CFHR5: variants seen among roughly 807,000 people sequenced by gnomAD.
CFHR5 encodes complement factor H related 5.
CFHR5 carries 73 observed loss-of-function variants against 62.9 expected under a neutral mutation model. That is an observed-to-expected ratio of 1.16 (90% CI 0.96 to 1.41). The LOEUF is 1.41. Ranked by LOEUF, CFHR5 falls within the 40% of genes most tolerant of loss-of-function variation. The probability of loss-of-function intolerance (pLI) is 0.00; values close to 1 mark genes in which losing one functional copy is unlikely to be tolerated. For missense variants in CFHR5, 779 were observed against 679.9 expected, an observed-to-expected ratio of 1.15 and a Z score of -1.62; for synonymous variants, 249 against 227.2, an observed-to-expected ratio of 1.10 and a Z score of -0.86.
Position 197,004,839 on chromosome 1 carries a change from C to G in CFHR5, c.1509C>G (p.Cys503Trp). 2 of 1,606,452 alleles carry G rather than the reference C, an allele frequency of 1.2e-6. No homozygotes were observed. Among genetic ancestry groups the G allele is most frequent in the Non-Finnish European group, 1.7e-6 (2 of 1,173,252 alleles). ...AACAGTGGTCAGAACCACCAAGATGCCTAGGTGAGTTCTTAATATTCTCTT... is the reference window on the plus strand; with the variant it reads ...AACAGTGGTCAGAACCACCAAGATGGCTAGGTGAGTTCTTAATATTCTCTT... ...RNKQWSEPPR[C>W]LDPCVVSEEN... The change falls in exon 9 of 10, where the codon TGC (cysteine) becomes TGG (tryptophan). Residue 503 changes from cysteine (C) to tryptophan (W), a missense_variant. By Grantham distance (215) the Cys-to-Trp change is radical (BLOSUM62 -2). Transcript: ENST00000256785.
In CFHR5 at chr1:196,995,829, T is replaced by C; in HGVS notation, c.720T>C (p.Asn240=). 6.2e-7 allele frequency: 1 copy of C among 1,613,320 alleles called. No individual in the cohort carries two copies. The highest frequency in any genetic ancestry group is 1.1e-5 in the South Asian group (1 of 91,070). The change falls in exon 5 of 10, where the codon AAT becomes AAC. Residue 240 remains asparagine (N), a synonymous_variant. Transcript: ENST00000256785. The part of the protein sequence containing the change: ...NEVVEYDCNP[N]FIINGPKKIQ... ...TAGTGGAATATGATTGCAATCCTAATTTTATAATAAACGGGCCTAAGAAAA... is the reference window on the plus strand; with the variant it reads ...TAGTGGAATATGATTGCAATCCTAACTTTATAATAAACGGGCCTAAGAAAA...
intron 6 of CFHR5, among the ~76,000 whole-genome samples, chr1:196,996,798 C>A (rs193144054): frequency 6.6e-6 from 1 of 152,174 alleles, no homozygotes; most frequent in East Asian, 1.9e-4. Context: ...TCCCATAATT[C>A]TCTTATTTCT....
upstream of CFHR5, among the ~76,000 whole-genome samples, chr1:196,975,406 G>C (rs1414934511): frequency 6.6e-6 from 1 of 152,142 alleles, no homozygotes; most frequent in Non-Finnish European, 1.5e-5. Flanking sequence ...TTTGCATATT[G>C]GTGGAAATAA....
Position 197,008,472 on chromosome 1 carries a change from C to T in CFHR5, c.1514-15C>T. On this transcript the variant is annotated splice_polypyrimidine_tract_variant and intron_variant, in intron 9 of 9. Coordinates refer to ENST00000256785, the MANE Select transcript of CFHR5 (RefSeq NM_030787.4). ...TTATTATTTATTTATTTTATTTTACCATTTCTTCTTTCAGATCCATGTGTG... is the reference window on the plus strand; with the variant it reads ...TTATTATTTATTTATTTTATTTTACTATTTCTTCTTTCAGATCCATGTGTG... 2 of 1,459,064 alleles carry T rather than the reference C, an allele frequency of 1.4e-6. No homozygotes were observed. Among genetic ancestry groups the T allele is most frequent in the Non-Finnish European group, 1.9e-6 (2 of 1,070,044 alleles). 90.4% of individuals were successfully genotyped at this position (1,459,064 alleles called of 1,614,324 possible).
chr1:196,998,996 G>C (rs763815577), intron 7 of CFHR5, among the ~76,000 whole-genome samples: 9 of 151,934 alleles, frequency 5.9e-5, no homozygotes, highest in Non-Finnish European at 8.8e-5. Flanking sequence ...CTGGCAACCA[G>C]TCATTCTATG....
chr1:196,999,722 TAC>T (rs60382421), intron 7 of CFHR5, among the ~76,000 whole-genome samples: 6 of 116,168 alleles, frequency 5.2e-5, no homozygotes, highest in Admixed American at 1.0e-4. Flanking sequence ...TATATATATA[TAC>T]ACACACACAC....
intron 1 of CFHR5, among the ~76,000 whole-genome samples, chr1:196,978,569 T>G (rs189916508): frequency 6.6e-6 from 1 of 152,302 alleles, no homozygotes; most frequent in African/African-American, 2.4e-5. Flanking sequence ...GAACACTTTC[T>G]TCTCAGTCCT....
intron 1 of CFHR5, among the ~76,000 whole-genome samples, chr1:196,979,419 A>G (rs1000464138): frequency 2.6e-5 from 4 of 152,100 alleles, no homozygotes; most frequent in Middle Eastern, 3.2e-3. Flanking sequence ...TAACTAAGCT[A>G]TACGGCCTGT....
At position 196,984,215 on chromosome 1, in the gene CFHR5, T is replaced by G. The variant is rs150332251; in HGVS notation, c.430+78T>G. On this transcript the variant is annotated intron_variant, in intron 3 of 9. Coordinates refer to ENST00000256785, the MANE Select transcript of CFHR5 (RefSeq NM_030787.4). Reference sequence around the variant, plus strand: ...TATAGTTTATAGATTAAATATAGGTTAAATATAGGTTTCACCACTACTTCT... The same window carrying G: ...TATAGTTTATAGATTAAATATAGGTGAAATATAGGTTTCACCACTACTTCT... The G allele has an allele frequency of 2.0e-4, 242 of 1,228,148 alleles. 3 individuals carry two copies. In the East Asian group the frequency reaches 6.1e-3, roughly 31 times the overall value. 76.1% of individuals were successfully genotyped at this position (1,228,148 alleles called of 1,614,324 possible). A position where few individuals can be genotyped will look rare whatever the true frequency, so the allele number is the denominator to read the frequency against.
At chr1:197,002,923 A>G (rs1654191460) in intron 8 of CFHR5, among the ~76,000 whole-genome samples, 1 of 152,144 alleles carries the variant, frequency 6.6e-6, no homozygotes, top group Non-Finnish European at 1.5e-5. Context: ...TACCTTTTCT[A>G]TGTTTAAATA....
upstream of CFHR5, among the ~76,000 whole-genome samples, chr1:196,975,683 T>A (rs762369200): frequency 6.6e-6 from 1 of 152,150 alleles, no homozygotes; most frequent in Non-Finnish European, 1.5e-5. Context: ...AGGAGGGAGA[T>A]AATGAAAACA....
chr1:196,986,898 T>G (rs1653697582), intron 3 of CFHR5, among the ~76,000 whole-genome samples: 1 of 152,178 alleles, frequency 6.6e-6, no homozygotes, highest in Admixed American at 6.5e-5. Context: ...ATGAGATCAC[T>G]GGGTCAAATG....
At chr1:196,987,013 C>A (rs895712933) in intron 3 of CFHR5, among the ~76,000 whole-genome samples, 3 of 152,194 alleles carry the variant, frequency 2.0e-5, no homozygotes, top group African/African-American at 7.2e-5. Context: ...TATTTCTCCA[C>A]ATCCTCTCTA....
At chr1:197,003,545 T>G (rs561377734) in intron 8 of CFHR5, among the ~76,000 whole-genome samples, 1 of 152,276 alleles carries the variant, frequency 6.6e-6, no homozygotes, top group East Asian at 1.9e-4. Context: ...AAATATTACT[T>G]GACAAAACAT....
rs1252319004 is a variant in CFHR5, at chr1:197,008,888, A to C, written c.*205A>C. 3.6e-6 allele frequency: 2 copies of C among 553,072 alleles called. No homozygotes were observed. Among genetic ancestry groups the C allele is most frequent in the Non-Finnish European group, 6.5e-6 (2 of 309,158 alleles). 34.3% of individuals were successfully genotyped at this position (553,072 alleles called of 1,614,324 possible). A position where few individuals can be genotyped will look rare whatever the true frequency, so the allele number is the denominator to read the frequency against. On this transcript the variant is annotated 3_prime_UTR_variant, in exon 10 of 10. Transcript: ENST00000256785. ...ACTTAATAGGAGGGTGTCTTAGTCC[A>C]TATTACATTGTTATAACAGAGTATC...
chr1:196,983,031 C>G lies in CFHR5; in HGVS notation c.205C>G (p.Arg69Gly), dbSNP rs763857612. ...GTCTCCTTCAAAATCCTTTTGGACT[C>G]GCATAACATGCACAGAAGAAGGATG... is the stretch of plus-strand genomic sequence containing the variant. ...FVSPSKSFWTRITCTEEGWSP... is the reference protein window; with the variant it reads ...FVSPSKSFWTGITCTEEGWSP... The change falls in exon 2 of 10, where the codon CGC becomes GGC. Residue 69 changes from arginine to glycine, a missense_variant. Physicochemically the swap from Arg to Gly is moderately radical, Grantham distance 125. Coordinates refer to ENST00000256785, the MANE Select transcript of CFHR5 (RefSeq NM_030787.4). 1.2e-6 allele frequency: 2 copies of G among 1,613,900 alleles called. No individual in the cohort carries two copies. Among genetic ancestry groups the G allele is most frequent in the Non-Finnish European group, 1.7e-6 (2 of 1,180,034 alleles).
Position 197,002,720 on chromosome 1 carries a change from G to A in CFHR5, c.1330+56G>A, listed in dbSNP as rs1278406639. 8 of 1,396,150 alleles carry A rather than the reference G, an allele frequency of 5.7e-6. No individual in the cohort carries two copies. In the African/African-American group the frequency reaches 1.1e-4, roughly 20 times the overall value. The allele number at this position is 1,396,150 out of a possible 1,614,324, so 86.5% of individuals were successfully genotyped here. On this transcript the variant is annotated intron_variant, in intron 8 of 9. Transcript: ENST00000256785. The stretch of plus-strand genomic sequence containing the variant: ...TAAAAAGAGGTTATTAATCCCCTTT[G>A]CTTTATCTAAAGAAAGAAACAAGAA...
In CFHR5 at chr1:197,002,621, T is replaced by G. The variant is rs370760497; in HGVS notation, c.1287T>G (p.Ile429Met). The change falls in exon 8 of 10, where the codon ATT becomes ATG. Residue 429 changes from isoleucine to methionine, a missense_variant. Physicochemically the swap from Ile to Met is conservative, Grantham distance 10 (BLOSUM62 1). Coordinates refer to ENST00000256785, the MANE Select transcript of CFHR5 (RefSeq NM_030787.4). ...ENYLLPEAKE[I>M]VCKDGRWQSL... ...ATCTACTTCCAGAAGCAAAAGAAAT[T>G]GTATGTAAAGATGGACGATGGCAAT... 6 of 1,613,628 alleles carry G rather than the reference T, an allele frequency of 3.7e-6. No individual in the cohort carries two copies. Among genetic ancestry groups the G allele is most frequent in the African/African-American group, 1.3e-5 (1 of 74,994 alleles).
chr1:196,976,532 G>A (rs1365387183), upstream of CFHR5, among the ~76,000 whole-genome samples: 2 of 152,090 alleles, frequency 1.3e-5, no homozygotes, highest in South Asian at 4.2e-4. Context: ...GACAGAGGTG[G>A]ATGAAAGCAT....
Sources: allele counts gnomAD v4.1 joint callset (sites outside exome capture counted in the v4.1 genomes callset), GRCh38; gene constraint gnomAD v4.1.1; transcripts MANE v1.5; gene names NCBI Gene and HGNC (gene_info 2026-07-23, HGNC 2026-07-21).